KCNJ6: variants seen among roughly 807,000 people sequenced by gnomAD.
The protein encoded by KCNJ6 is G protein-activated inward rectifier potassium channel 2.
A neutral mutation model predicts 34.2 loss-of-function variants in KCNJ6; 9 were observed. The ratio of observed to expected loss-of-function variants is 0.26; its 90% CI spans 0.16 to 0.46. The LOEUF (loss-of-function observed/expected upper bound fraction) is 0.46, where lower values mean the gene tolerates loss of function less well. KCNJ6 is among the 20% of genes least tolerant of loss of function. KCNJ6 has a pLI of 1.00. For synonymous variants in KCNJ6, 196 were observed against 207.1 expected (o/e 0.95, Z 0.46); for missense variants, 236 against 531.3 (o/e 0.44, Z 5.46).
intron 3 of KCNJ6, among the ~76,000 whole-genome samples, chr21:37,701,957 G>A (rs1296191649): frequency 6.6e-6 from 1 of 152,206 alleles, no homozygotes; most frequent in Non-Finnish European, 1.5e-5. Context: ...TCTGGGCCGG[G>A]CACGGTGGCT....
intron 3 of KCNJ6, among the ~76,000 whole-genome samples, chr21:37,640,463 T>C (rs925800680): frequency 2.0e-5 from 3 of 152,248 alleles, no homozygotes; most frequent in African/African-American, 7.2e-5. Context: ...AGGACACCAC[T>C]AGGGATGCTC....
chr21:37,816,080 C>T (rs2055345427), intron 2 of KCNJ6, among the ~76,000 whole-genome samples: 1 of 152,188 alleles, frequency 6.6e-6, no homozygotes, highest in Non-Finnish European at 1.5e-5. Flanking sequence ...GAACCAAGCT[C>T]TGATGCAGGG....
At chr21:37,899,246 C>T (rs554202148) in intron 1 of KCNJ6, among the ~76,000 whole-genome samples, 87 of 152,098 alleles carry the variant, frequency 5.7e-4, no homozygotes, top group Admixed American at 3.9e-4. Context: ...TGTATAATCT[C>T]GGTAGAAATC....
At chr21:37,627,841 G>C (rs748945779) in intron 3 of KCNJ6, among the ~76,000 whole-genome samples, 1 of 152,146 alleles carries the variant, frequency 6.6e-6, no homozygotes, top group Non-Finnish European at 1.5e-5. Context: ...GAATGTTGAA[G>C]GCACGTCCCA....
chr21:37,872,572 C>A (rs560739038), intron 1 of KCNJ6, among the ~76,000 whole-genome samples: 305 of 152,302 alleles, frequency 2.0e-3, no homozygotes, highest in African/African-American at 6.6e-3. Flanking sequence ...CTTTGCCCAA[C>A]CTTCTGATCA....
intron 3 of KCNJ6, among the ~76,000 whole-genome samples, chr21:37,630,123 A>G (rs1226520642): frequency 1.4e-5 from 1 of 71,356 alleles, no homozygotes; most frequent in African/African-American, 5.9e-5. Flanking sequence ...AGAACTGCCA[A>G]GATGACATCT....
chr21:37,711,033 G>A (rs1345426189), intron 3 of KCNJ6, among the ~76,000 whole-genome samples: 1 of 152,234 alleles, frequency 6.6e-6, no homozygotes, highest in Non-Finnish European at 1.5e-5. Flanking sequence ...CATTCACAAA[G>A]GACTCGGGGC....
intron 2 of KCNJ6, among the ~76,000 whole-genome samples, chr21:37,726,685 TCTTTG>T (rs2054856813): frequency 6.6e-6 from 1 of 152,248 alleles, no homozygotes; most frequent in African/African-American, 2.4e-5. Context: ...TCTGTGGGTG[TCTTTG>T]CTTTCTCTTT....
intron 1 of KCNJ6, among the ~76,000 whole-genome samples, chr21:37,901,071 A>G (rs969426744): frequency 1.3e-5 from 2 of 150,584 alleles, no homozygotes; most frequent in Non-Finnish European, 3.0e-5. Flanking sequence ...CTGAATGTTC[A>G]CATTTTTCTA....
Position 37,617,096 on chromosome 21 carries a change from TTTTC to T in KCNJ6, c.*8059_*8062del, listed in dbSNP as rs1286719583. Reference sequence around the variant, plus strand: ...TCTTTTCTTTCTTTTTCTTTCTTTCTTTTCTTTCTTTCTTTCCTTCTTCCTTCCT... The same window carrying T: ...TCTTTTCTTTCTTTTTCTTTCTTTCTTTTCTTTCTTTCCTTCTTCCTTCCT... On this transcript the variant is annotated 3_prime_UTR_variant, in exon 4 of 4. Coordinates refer to ENST00000609713, the MANE Select transcript of KCNJ6 (RefSeq NM_002240.5). The T allele has an allele frequency of 4.2e-5, 2 of 47,598 alleles. No homozygotes were observed. Among genetic ancestry groups the T allele is most frequent in the Non-Finnish European group, 8.2e-5 (2 of 24,454 alleles). 2.9% of individuals were successfully genotyped at this position (47,598 alleles called of 1,614,324 possible). A position where few individuals can be genotyped will look rare whatever the true frequency, so the allele number is the denominator to read the frequency against.
At chr21:37,830,760 C>T (rs1347848537) in intron 2 of KCNJ6, among the ~76,000 whole-genome samples, 1 of 152,164 alleles carries the variant, frequency 6.6e-6, no homozygotes, top group East Asian at 1.9e-4. Context: ...ACAGTTTTAG[C>T]CCCATTTCCA....
chr21:37,842,853 G>A (rs1041312747), intron 1 of KCNJ6, among the ~76,000 whole-genome samples: 1 of 152,216 alleles, frequency 6.6e-6, no homozygotes, highest in African/African-American at 2.4e-5. Context: ...TGGTCCCAGA[G>A]CTTGTTCTGT....
intron 3 of KCNJ6, among the ~76,000 whole-genome samples, chr21:37,633,600 A>G (rs2054343402): frequency 6.6e-6 from 1 of 152,206 alleles, no homozygotes; most frequent in Non-Finnish European, 1.5e-5. Flanking sequence ...ATTACTAAGA[A>G]TGTTTAGCAA....
chr21:37,870,249 C>T, intron 1 of KCNJ6, among the ~76,000 whole-genome samples: 1 of 145,878 alleles, frequency 6.9e-6, no homozygotes, highest in African/African-American at 2.5e-5. Flanking sequence ...GCCACCTGGC[C>T]TGCTGAAAAC....
At chr21:37,754,441 T>A (rs897887871) in intron 2 of KCNJ6, among the ~76,000 whole-genome samples, 1 of 152,216 alleles carries the variant, frequency 6.6e-6, no homozygotes, top group South Asian at 2.1e-4. Flanking sequence ...GCCTGTGGTA[T>A]GAACTGATGT....
chr21:37,750,181 A>G (rs1300816487), intron 2 of KCNJ6, among the ~76,000 whole-genome samples: 3 of 152,240 alleles, frequency 2.0e-5, no homozygotes, highest in Non-Finnish European at 4.4e-5. Context: ...ACAATGAGAT[A>G]TCATCTTACA....
chr21:37,714,078 G>T lies in KCNJ6; in HGVS notation c.946+133C>A. On this transcript the variant is annotated intron_variant, in intron 3 of 3. Coordinates refer to ENST00000609713, the MANE Select transcript of KCNJ6 (RefSeq NM_002240.5). The surrounding 1 kb of genome is among the most constrained non-coding windows in gnomAD (Gnocchi z 5.9). ...CAGGTGAGACATGTAGGCATACTATGTCATGAAGCAAGGGGATGTTGTCAA... is the reference window on the plus strand; with the variant it reads ...CAGGTGAGACATGTAGGCATACTATTTCATGAAGCAAGGGGATGTTGTCAA... The T allele has an allele frequency of 1.4e-6, 1 of 710,344 alleles. No homozygotes were observed. Among genetic ancestry groups the T allele is most frequent in the Non-Finnish European group, 2.4e-6 (1 of 411,976 alleles). The allele number at this position is 710,344 out of a possible 1,614,324, so 44.0% of individuals were successfully genotyped here.
intron 2 of KCNJ6, among the ~76,000 whole-genome samples, chr21:37,799,822 T>C (rs140352290): frequency 6.6e-6 from 1 of 152,354 alleles, no homozygotes; most frequent in African/African-American, 2.4e-5. Context: ...GCCCTAATTT[T>C]GAGAGAGCAC....
rs541876853 is a variant in KCNJ6 at position 37,877,667 on chromosome 21, T to C, written c.-27-36958A>G. 7.2e-5 allele frequency among the ~76,000 whole-genome samples: 11 copies of C among 151,986 alleles called. No individual in the cohort carries two copies. The East Asian group carries it at 2.1e-3, about 30-fold the overall frequency. On this transcript the variant is annotated intron_variant, in intron 1 of 3. Transcript: ENST00000609713. ...CTTATGGAAGGCAGAACAGAAATAC[T>C]GCTGCTCAACGTGTATTTCCCCACC...
Sources: allele counts gnomAD v4.1 joint callset (sites outside exome capture counted in the v4.1 genomes callset), GRCh38; gene constraint gnomAD v4.1.1; non-coding constraint Gnocchi (gnomAD v3.1); transcripts MANE v1.5; gene names NCBI Gene and HGNC (gene_info 2026-07-23, HGNC 2026-07-21).